Variants in CHIT1 observed in about 807,000 individuals in gnomAD.
CHIT1 encodes the protein chitotriosidase-1.
A neutral mutation model predicts 52.0 loss-of-function variants in CHIT1; 47 were observed. The observed-to-expected ratio is 0.90, with a 90% CI of 0.71 to 1.15. The LOEUF (loss-of-function observed/expected upper bound fraction) is 1.15. Ranked by LOEUF, CHIT1 falls within the 50% of genes most tolerant of loss-of-function variation. The pLI, the probability that CHIT1 is intolerant of heterozygous loss-of-function variation, is 0.00. For missense variants in CHIT1, 569 were observed against 583.0 expected (o/e 0.98, Z 0.25); for synonymous variants, 242 against 228.2 (o/e 1.06, Z -0.54).
chr1:203,218,125 T>C, intron 9 of CHIT1: 1 of 1,446,612 alleles, frequency 6.9e-7, no homozygotes, highest in Non-Finnish European at 9.2e-7. Flanking sequence ...GGAGGAATAG[T>C]GTCAGTTGTG....
In CHIT1 at chr1:203,229,618, A is replaced by G. The variant is rs773881068; in HGVS notation, c.19T>C (p.Trp7Arg). 5.0e-6 allele frequency: 8 copies of G among 1,613,844 alleles called. No individual in the cohort carries two copies. Among genetic ancestry groups the G allele is most frequent in the Non-Finnish European group, 5.9e-6 (7 of 1,179,964 alleles). Reference protein sequence around the residue: MVRSVAWAGFMVLLMIP... With the variant: MVRSVARAGFMVLLMIP... ...CCACTATCCGACGGCTCACCTGCCC[A>G]GGCCACAGACCGCACCATGATGCAG... The change falls in exon 1 of 11, where the codon TGG (tryptophan) becomes CGG (arginine). Residue 7 changes from tryptophan to arginine, a missense_variant. By Grantham distance (101) the Trp-to-Arg change is moderately radical. Coordinates refer to ENST00000367229, the MANE Select transcript of CHIT1 (RefSeq NM_003465.3).
At chr1:203,229,374 T>C (rs1187892085) in intron 1 of CHIT1, among the ~76,000 whole-genome samples, 2 of 152,276 alleles carry the variant, frequency 1.3e-5, no homozygotes, top group East Asian at 3.9e-4. Flanking sequence ...TTCAGCCTGT[T>C]GAGAAAAGCC....
intron 2 of CHIT1, among the ~76,000 whole-genome samples, chr1:203,227,089 G>T (rs1027356606): frequency 2.0e-5 from 3 of 152,198 alleles, no homozygotes; most frequent in Admixed American, 2.0e-4. Flanking sequence ...CACATGGACA[G>T]GGATGGGACG....
chr1:203,220,345 C>T (rs949283107), intron 7 of CHIT1, among the ~76,000 whole-genome samples: 4 of 152,194 alleles, frequency 2.6e-5, no homozygotes, highest in Admixed American at 2.0e-4. Context: ...TGGTCATCAT[C>T]GTTATCATGA....
rs567450220 is a variant in CHIT1 at position 203,222,322 on chromosome 1, G to A, written c.609C>T (p.Asn203=). 1.4e-5 allele frequency: 22 copies of A among 1,614,176 alleles called. No individual in the cohort carries two copies. The highest frequency in any genetic ancestry group is 2.2e-5 in the South Asian group (2 of 91,078). ...AGGCCATAAGGTTGACAAAATCCAGGTTCCTGCAGGAGGCATGGAAGAGGA... is the reference window on the plus strand; with the variant it reads ...AGGCCATAAGGTTGACAAAATCCAGATTCCTGCAGGAGGCATGGAAGAGGA... The part of the protein sequence containing the change: ...AGYEVDKIAQ[N]LDFVNLMAYD... Residue 203 remains asparagine, a synonymous_variant, in exon 7 of 11, where the codon AAC becomes AAT. Transcript: ENST00000367229.
intron 7 of CHIT1, among the ~76,000 whole-genome samples, chr1:203,220,442 C>A (rs1656694095): frequency 6.6e-6 from 1 of 152,152 alleles, no homozygotes; most frequent in South Asian, 2.1e-4. Context: ...TAGAATGACA[C>A]CTGATGCTCA....
At chr1:203,229,676 C>A, upstream of CHIT1, 1 of 1,611,572 alleles carries the variant, frequency 6.2e-7, no homozygotes, top group South Asian at 1.1e-5. Context: ...TACAAACCAG[C>A]TTTCCAGGTC....
At chr1:203,222,989 A>C in intron 6 of CHIT1, 146 bp downstream of exon 6, 3 of 1,095,608 alleles carry the variant, frequency 2.7e-6, no homozygotes, top group Non-Finnish European at 4.1e-6. Flanking sequence ...AAAGCAGGGA[A>C]TTTTCTGCTT....
Position 203,223,621 on chromosome 1 carries a change from G to T in CHIT1, c.354C>A (p.Thr118=). The change falls in exon 5 of 11, where the codon ACC becomes ACA. Residue 118 remains threonine, a synonymous_variant. Transcript: ENST00000367229. ...GAAACCTGATGGCCGAGTTGACAAAGGTCTGACGGTTGTTGGCCGTGGCTA... is the reference window on the plus strand; with the variant it reads ...GAAACCTGATGGCCGAGTTGACAAATGTCTGACGGTTGTTGGCCGTGGCTA... The part of the protein sequence containing the change: ...DMVATANNRQ[T]FVNSAIRFLR... 1 of 1,614,234 alleles carries T rather than the reference G, an allele frequency of 6.2e-7. No homozygotes were observed. The highest frequency in any genetic ancestry group is 1.1e-5 in the South Asian group (1 of 91,084).
At chr1:203,225,614 G>T in intron 3 of CHIT1, 55 bp downstream of exon 3, 2 of 1,564,210 alleles carry the variant, frequency 1.3e-6, no homozygotes, top group Non-Finnish European at 1.8e-6. Context: ...TCTGGGAGGA[G>T]GTTATCTGTC....
At chr1:203,223,079 C>T (rs1031407579) in intron 6 of CHIT1, 56 bp downstream of exon 6, 1 of 1,610,712 alleles carries the variant, frequency 6.2e-7, no homozygotes, top group Non-Finnish European at 8.5e-7. Context: ...CTCAGTCTGC[C>T]CTTGGCCTCT....
rs565329520 is a variant in CHIT1, at chr1:203,223,463, A to T, written c.480+32T>A. On this transcript the variant is annotated intron_variant, in intron 5 of 10. Transcript: ENST00000367229. ...GGGCTCCAGCTCTGGGTCCCTGCACAGACTGGTGATCCCCGCCCCGCCCAG... is the reference window on the plus strand; with the variant it reads ...GGGCTCCAGCTCTGGGTCCCTGCACTGACTGGTGATCCCCGCCCCGCCCAG... 5.0e-6 allele frequency: 8 copies of T among 1,613,186 alleles called. No individual in the cohort carries two copies. In the South Asian group the frequency reaches 8.8e-5, roughly 18 times the overall value.
intron 9 of CHIT1, 131 bp downstream of exon 9, chr1:203,219,085 C>T (rs958716819): frequency 1.8e-5 from 13 of 734,720 alleles, no homozygotes; most frequent in East Asian, 5.0e-5. Flanking sequence ...AATACTATCA[C>T]GTGGAGATTT....
chr1:203,222,950 G>A (rs1656790383), intron 6 of CHIT1, among the ~76,000 whole-genome samples, 185 bp downstream of exon 6: 1 of 152,166 alleles, frequency 6.6e-6, no homozygotes, highest in African/African-American at 2.4e-5. Context: ...AAGCCTTTCT[G>A]GATGTGTCTT....
chr1:203,224,917 G>T, intron 4 of CHIT1, 131 bp downstream of exon 4: 1 of 820,940 alleles, frequency 1.2e-6, no homozygotes, highest in Non-Finnish European at 2.1e-6. Flanking sequence ...AGCCCTCAGA[G>T]TTCAGCTCCC....
chr1:203,225,231 AT>A, intron 3 of CHIT1, 127 bp from the exon 4 acceptor site: 1 of 826,404 alleles, frequency 1.2e-6, no homozygotes, highest in Non-Finnish European at 2.0e-6. Flanking sequence ...CAGAGACTGT[AT>A]TAGGCATTCT....
In CHIT1 at chr1:203,223,527, C is replaced by T. The variant is rs557542364; in HGVS notation, c.448G>A (p.Val150Ile). 20 of 1,614,210 alleles carry T rather than the reference C, an allele frequency of 1.2e-5. No individual in the cohort carries two copies. The highest frequency in any genetic ancestry group is 4.5e-5 in the East Asian group (2 of 44,878). The change falls in exon 5 of 11, where the codon GTA (valine) becomes ATA (isoleucine). Residue 150 changes from valine (V) to isoleucine (I), a missense_variant. Coordinates refer to ENST00000367229, the MANE Select transcript of CHIT1 (RefSeq NM_003465.3). ...EYPGSQGSPA[V>I]DKERFTTLVQ... ...AGGGTTGTGAAGCGCTCCTTGTCTA[C>T]GGCAGGGCTCCCCTGGCTTCCTGGG...
chr1:203,221,431 T>G (rs866883524), intron 7 of CHIT1, among the ~76,000 whole-genome samples: 3 of 151,970 alleles, frequency 2.0e-5, no homozygotes, highest in African/African-American at 7.3e-5. Context: ...GGCAGGAGTT[T>G]GAGACCATCC....
chr1:203,218,184 G>A, intron 9 of CHIT1: 1 of 1,208,394 alleles, frequency 8.3e-7, no homozygotes, highest in Non-Finnish European at 1.1e-6. Context: ...TGTGTGGGCT[G>A]AGCTGCTTTA....
Sources: gnomAD v4.1 joint callset for allele counts (sites outside exome capture counted in the v4.1 genomes callset) on GRCh38, gnomAD v4.1.1 for gene constraint, MANE v1.5 for transcripts, NCBI Gene and HGNC (gene_info 2026-07-23, HGNC 2026-07-21) for gene names.